Variants in TMEM218 observed in about 807,000 individuals in gnomAD.
TMEM218 encodes transmembrane protein 218.
A neutral mutation model predicts 10.0 loss-of-function variants in TMEM218; 8 were observed. That is an observed-to-expected ratio of 0.80 (90% CI 0.47 to 1.44). The LOEUF is 1.44. Among genes scored for constraint, TMEM218 ranks in the 40% most tolerant of loss-of-function variants. TMEM218 has a pLI of 0.00. For missense variants in TMEM218, 110 were observed against 140.1 expected, an observed-to-expected ratio of 0.79 and a Z score of 1.08; for synonymous variants, 66 against 63.5, an observed-to-expected ratio of 1.04 and a Z score of -0.18.
At chr11:125,100,688 C>G (rs558521897) in intron 4 of TMEM218, among the ~76,000 whole-genome samples, 24 of 152,120 alleles carry the variant, frequency 1.6e-4, no homozygotes, top group African/African-American at 2.4e-5. Flanking sequence ...GGTATGGTCC[C>G]AGGTATGAGG....
At chr11:125,102,339 A>G in intron 2 of TMEM218, 22 bp from the exon 3 acceptor site, 1 of 1,546,118 alleles carries the variant, frequency 6.5e-7, no homozygotes, top group Non-Finnish European at 8.7e-7. Context: ...GCATTCAGAC[A>G]AATACAGAAA....
In TMEM218 at chr11:125,098,309, TA is replaced by T. The variant is rs370491985; in HGVS notation, c.214-570del. ...CCATTTACCTGAGATACTAAAACAC[TA>T]AAAGGATAGGTAACTTGCCCCAAAG... On this transcript the variant is annotated intron_variant, in intron 4 of 4. Transcript: ENST00000682305. Among the ~76,000 whole-genome samples the T allele has an allele frequency of 6.0e-4, 91 of 152,198 alleles. No individual in the cohort carries two copies. In the East Asian group the frequency reaches 0.016, roughly 26 times the overall value.
intron 4 of TMEM218, among the ~76,000 whole-genome samples, chr11:125,100,282 C>T (rs2135726717): frequency 6.6e-6 from 1 of 152,292 alleles, no homozygotes; most frequent in Admixed American, 6.5e-5. Flanking sequence ...CCCTGTTCTG[C>T]CTCTTGCTAT....
intron 1 of TMEM218, 87 bp from the exon 2 acceptor site, chr11:125,102,896 C>T (rs140637474): frequency 6.5e-4 from 231 of 352,888 alleles, no homozygotes; most frequent in Middle Eastern, 5.2e-3. Flanking sequence ...AATCCCGGAG[C>T]GAAGCTTCTG....
intron 1 of TMEM218, chr11:125,104,691 A>C (rs1255417175): frequency 1.3e-5 from 2 of 152,008 alleles, no homozygotes; most frequent in East Asian, 3.8e-4. Context: ...AATAAATGAC[A>C]CAGTGCTAAC....
At chr11:125,102,008 G>T in intron 3 of TMEM218, 124 bp downstream of exon 3, 1 of 1,117,160 alleles carries the variant, frequency 9.0e-7, no homozygotes, top group Non-Finnish European at 1.2e-6. Context: ...AGGTTAAAAT[G>T]CAACTCATTC....
intron 1 of TMEM218, 69 bp from the exon 2 acceptor site, chr11:125,102,878 T>C (rs1951147770): frequency 5.1e-6 from 2 of 389,040 alleles, no homozygotes; most frequent in Non-Finnish European, 9.1e-6. Flanking sequence ...TACAAACATA[T>C]CTCATTGAAT....
At chr11:125,099,373 G>GTAT (rs1950261201) in intron 4 of TMEM218, among the ~76,000 whole-genome samples, 1 of 152,232 alleles carries the variant, frequency 6.6e-6, no homozygotes, top group Non-Finnish European at 1.5e-5. Flanking sequence ...CCCAGGCCAT[G>GTAT]TATTATTGAT....
At position 125,105,773 on chromosome 11, in the gene TMEM218, AAAT is replaced by A. The variant is rs1156796898; in HGVS notation, c.-152-2967_-152-2965del. Among the ~76,000 whole-genome samples the A allele has an allele frequency of 3.9e-5, 6 of 152,070 alleles. No individual in the cohort carries two copies. In the East Asian group the frequency reaches 9.7e-4, roughly 24 times the overall value. On this transcript the variant is annotated intron_variant, in intron 1 of 4. Transcript: ENST00000682305. ...CTTCTATACTAGTAAAGTGAAAAAA[AAAT>A]AAAGAAAACAGAAAGTGGGGCAAGG...
intron 1 of TMEM218, chr11:125,110,522 T>C (rs761305463): frequency 6.6e-6 from 1 of 152,178 alleles, no homozygotes; most frequent in Non-Finnish European, 1.5e-5. Flanking sequence ...AAAATAGGAA[T>C]AAATGGACTG....
chr11:125,101,647 A>G (rs1950812815), intron 3 of TMEM218: 5 of 643,672 alleles, frequency 7.8e-6, no homozygotes, highest in African/African-American at 3.7e-5. Context: ...AGAAAATTCT[A>G]CAACTCTCTG....
intron 1 of TMEM218, chr11:125,103,357 C>G (rs916201073): frequency 6.6e-6 from 1 of 152,464 alleles, no homozygotes; most frequent in East Asian, 1.9e-4. Context: ...CTGCATCCCC[C>G]TGTGGAAAAA....
chr11:125,101,333 C>T, intron 3 of TMEM218, 30 bp from the exon 4 acceptor site: 1 of 1,595,048 alleles, frequency 6.3e-7, no homozygotes, highest in Non-Finnish European at 8.6e-7. Flanking sequence ...TTATTAAAAG[C>T]ACTGTCTATA....
intron 1 of TMEM218, among the ~76,000 whole-genome samples, chr11:125,107,380 G>T (rs1310763481): frequency 6.6e-6 from 1 of 152,138 alleles, no homozygotes; most frequent in Non-Finnish European, 1.5e-5. Context: ...AGATGTATCA[G>T]CCATGTGTAG....
chr11:125,101,342 T>C (rs764217473), intron 3 of TMEM218, 39 bp from the exon 4 acceptor site: 5 of 1,588,080 alleles, frequency 3.1e-6, no homozygotes, highest in Non-Finnish European at 3.4e-6. Context: ...GCACTGTCTA[T>C]AATTTCTTCT....
Position 125,108,706 on chromosome 11 carries a change from G to C in TMEM218, c.-153+2833C>G, listed in dbSNP as rs1952884481. On this transcript the variant is annotated intron_variant, in intron 1 of 4. Coordinates refer to ENST00000682305, the MANE Select transcript of TMEM218 (RefSeq NM_001258244.2). This position sits in a 1 kb window ranked among gnomAD's most constrained non-coding sequence, Gnocchi z 5.3. ...TGATTTACATTAGAGTTGCATTCCT[G>C]GAAATTTTACTATATTAAACTGTGC... Among the ~76,000 whole-genome samples, 1 of 152,090 alleles carries C rather than the reference G, an allele frequency of 6.6e-6. No individual in the cohort carries two copies. The highest frequency in any genetic ancestry group is 1.5e-5 in the Non-Finnish European group (1 of 67,994).
In TMEM218 at chr11:125,102,269, G is replaced by A. The variant is rs753372997; in HGVS notation, c.-28C>T. ...CGCGGGGAGGCAGCGGCGGCCCCCC[G>A]CCCTGCGCGCCGCACGATCGAGTGT... is the stretch of plus-strand genomic sequence containing the variant. On this transcript the variant is annotated 5_prime_UTR_variant, in exon 3 of 5. Coordinates refer to ENST00000682305, the MANE Select transcript of TMEM218 (RefSeq NM_001258244.2). 62 of 1,606,048 alleles carry A rather than the reference G, an allele frequency of 3.9e-5. No individual in the cohort carries two copies. The highest frequency in any genetic ancestry group is 6.7e-5 in the African/African-American group (5 of 74,574).
At chr11:125,101,492 T>G (rs909596945) in intron 3 of TMEM218, 189 bp from the exon 4 acceptor site, 4 of 1,524,746 alleles carry the variant, frequency 2.6e-6, no homozygotes, top group Non-Finnish European at 3.5e-6. Flanking sequence ...GCTGGGTGCA[T>G]TCCCATTTAT....
chr11:125,098,105 T>A (rs1364168679), intron 4 of TMEM218, among the ~76,000 whole-genome samples: 1 of 152,222 alleles, frequency 6.6e-6, no homozygotes, highest in Non-Finnish European at 1.5e-5. Context: ...TACATTTTAT[T>A]ACGGAGAATT....
Sources: gnomAD v4.1 joint callset for allele counts (sites outside exome capture counted in the v4.1 genomes callset) on GRCh38, gnomAD v4.1.1 for gene constraint, Gnocchi (gnomAD v3.1) non-coding constraint, MANE v1.5 for transcripts, NCBI Gene and HGNC (gene_info 2026-07-23, HGNC 2026-07-21) for gene names.